Variants in BNC2 observed in about 807,000 individuals in gnomAD.
BNC2 encodes the protein zinc finger protein basonuclin-2.
In BNC2, 20 loss-of-function variants were observed where a neutral mutation model predicts 76.3. The observed-to-expected ratio is 0.26, with a 90% CI of 0.18 to 0.38. The LOEUF is 0.38. BNC2 is among the 10% of genes least tolerant of loss of function. The pLI, the probability that BNC2 is intolerant of heterozygous loss-of-function variation, is 1.00. For missense variants in BNC2, 1,382 were observed against 1,399.8 expected (o/e 0.99, Z 0.20); for synonymous variants, 582 against 514.8 (o/e 1.13, Z -1.77).
At chr9:16,458,602 TC>T (rs1167646094) in intron 5 of BNC2, among the ~76,000 whole-genome samples, 1 of 152,134 alleles carries the variant, frequency 6.6e-6, no homozygotes, top group African/African-American at 2.4e-5. Flanking sequence ...TAAAAAACAA[TC>T]CGCCAACTAC....
At chr9:16,523,485 A>C (rs1302542560) in intron 5 of BNC2, among the ~76,000 whole-genome samples, 92 of 126,298 alleles carry the variant, frequency 7.3e-4, no homozygotes, top group Admixed American at 2.3e-3. Context: ...CAAAAAAAAA[A>C]AACAAAACAA....
At chr9:16,574,291 G>A (rs892521228) in intron 4 of BNC2, among the ~76,000 whole-genome samples, 17 of 152,276 alleles carry the variant, frequency 1.1e-4, no homozygotes, top group Middle Eastern at 3.4e-3. Flanking sequence ...AAAGTGGCGA[G>A]CCCATCGAAG....
chr9:16,795,383 CT>C (rs34156905), intron 1 of BNC2, among the ~76,000 whole-genome samples: 100,803 of 142,724 alleles, frequency 0.71, 39,039 homozygotes, highest in Non-Finnish European at 0.89. Flanking sequence ...CTAATTCTGG[CT>C]TTTTTTTTTT....
rs145372096 is a variant in BNC2, at chr9:16,636,540, C to T, written c.331-53455G>A. Among the ~76,000 whole-genome samples the T allele has an allele frequency of 9.9e-5, 15 of 152,188 alleles. No individual in the cohort carries two copies. The East Asian group carries it at 2.7e-3, about 28-fold the overall frequency. ...GTGGTCTTGAACTCCTGAGCTCATG[C>T]GATCCTCCTACCTCGGCCTCCCAAA... On this transcript the variant is annotated intron_variant, in intron 3 of 6. Coordinates refer to ENST00000380672, the MANE Select transcript of BNC2 (RefSeq NM_017637.6).
chr9:16,679,704 C>T (rs1327482074), intron 3 of BNC2, among the ~76,000 whole-genome samples: 1 of 152,228 alleles, frequency 6.6e-6, no homozygotes, highest in Non-Finnish European at 1.5e-5. Flanking sequence ...TGCTTAGCAC[C>T]TCTCTGCCTC....
chr9:16,767,612 T>A (rs1381366022), intron 1 of BNC2, among the ~76,000 whole-genome samples: 2 of 152,184 alleles, frequency 1.3e-5, no homozygotes, highest in East Asian at 3.9e-4. Context: ...GAGGGTTGTA[T>A]GCTCTGCCAA....
intron 5 of BNC2, among the ~76,000 whole-genome samples, chr9:16,481,174 C>T (rs974832898): frequency 3.3e-5 from 5 of 151,954 alleles, no homozygotes; most frequent in African/African-American, 4.8e-5. Context: ...AGGTGGAGAA[C>T]CTTTGTGTCT....
chr9:16,500,911 C>G (rs1822503687), intron 5 of BNC2, among the ~76,000 whole-genome samples: 1 of 152,106 alleles, frequency 6.6e-6, no homozygotes, highest in South Asian at 2.1e-4. Context: ...GTATTTGAAC[C>G]AATCTGTATA....
At chr9:16,760,318 T>TTAA in intron 1 of BNC2, among the ~76,000 whole-genome samples, 1 of 152,324 alleles carries the variant, frequency 6.6e-6, no homozygotes, top group Non-Finnish European at 1.5e-5. Context: ...GCTAAGTCAT[T>TTAA]TAATAATTTG....
intron 5 of BNC2, among the ~76,000 whole-genome samples, chr9:16,538,421 C>G (rs1818194813): frequency 6.6e-6 from 1 of 152,090 alleles, no homozygotes; most frequent in South Asian, 2.1e-4. Flanking sequence ...CAATTACTCC[C>G]CACGTGGCAC....
At chr9:16,509,377 G>A (rs1301313567) in intron 5 of BNC2, among the ~76,000 whole-genome samples, 1 of 152,108 alleles carries the variant, frequency 6.6e-6, no homozygotes, top group Non-Finnish European at 1.5e-5. Context: ...TACAGTCCTC[G>A]AGGACAGGAA....
chr9:16,506,977 A>G (rs969815848), intron 5 of BNC2, among the ~76,000 whole-genome samples: 1 of 151,582 alleles, frequency 6.6e-6, no homozygotes, highest in Non-Finnish European at 1.5e-5. Context: ...CTGGTCTTGA[A>G]CTCCTGACCT....
chr9:16,732,001 T>C (rs751985826), intron 2 of BNC2, among the ~76,000 whole-genome samples: 10 of 152,018 alleles, frequency 6.6e-5, no homozygotes, highest in Non-Finnish European at 1.3e-4. Flanking sequence ...AACAAGACTA[T>C]AGGGAGGCAC....
intron 3 of BNC2, among the ~76,000 whole-genome samples, chr9:16,617,402 A>G (rs965664579): frequency 2.0e-5 from 3 of 152,276 alleles, no homozygotes; most frequent in Admixed American, 1.3e-4. Flanking sequence ...CGGAATATGA[A>G]AAGAATTATG....
chr9:16,512,993 G>T (rs1822795153), intron 5 of BNC2, among the ~76,000 whole-genome samples: 1 of 151,944 alleles, frequency 6.6e-6, no homozygotes, highest in African/African-American at 2.4e-5. Flanking sequence ...AAATTAGCTG[G>T]GTATTTTGGC....
intron 1 of BNC2, among the ~76,000 whole-genome samples, chr9:16,769,267 C>T (rs921809074): frequency 1.3e-4 from 20 of 152,270 alleles, no homozygotes; most frequent in African/African-American, 4.8e-4. Flanking sequence ...GCAGGGACCA[C>T]GTCTGTTCGT....
chr9:16,774,103 T>TC (rs1035553790), intron 1 of BNC2, among the ~76,000 whole-genome samples: 16 of 152,062 alleles, frequency 1.1e-4, no homozygotes, highest in African/African-American at 3.6e-4. Context: ...TGCCTTATCC[T>TC]CCCAAGTAGG....
At chr9:16,448,843 T>C (rs1821281269) in intron 5 of BNC2, among the ~76,000 whole-genome samples, 1 of 152,248 alleles carries the variant, frequency 6.6e-6, no homozygotes, top group South Asian at 2.1e-4. Flanking sequence ...ATGGATCTAC[T>C]TTCCTTTGAT....
chr9:16,786,147 T>C (rs977250168), intron 1 of BNC2, among the ~76,000 whole-genome samples: 1 of 152,138 alleles, frequency 6.6e-6, no homozygotes, highest in Non-Finnish European at 1.5e-5. Flanking sequence ...AGAATCTCAT[T>C]TGACAGAGGT....
Sources: allele counts gnomAD v4.1 joint callset (sites outside exome capture counted in the v4.1 genomes callset), GRCh38; gene constraint gnomAD v4.1.1; transcripts MANE v1.5; gene names NCBI Gene and HGNC (gene_info 2026-07-23, HGNC 2026-07-21).